Variants in DSCAML1 observed in about 807,000 individuals in gnomAD.
The protein encoded by DSCAML1 is DS cell adhesion molecule like 1, also known as cell adhesion molecule DSCAML1.
Under a neutral mutation model 200.5 loss-of-function variants are expected in DSCAML1, and 38 were observed. The observed-to-expected ratio is 0.19, with a 90% CI of 0.15 to 0.25. The LOEUF (loss-of-function observed/expected upper bound fraction) is 0.25. Among genes scored for constraint, DSCAML1 ranks in the 10% least tolerant of loss-of-function variants. The pLI is 1.00. For missense variants in DSCAML1, 2,223 were observed against 2,858.8 expected, an observed-to-expected ratio of 0.78 and a Z score of 5.07; for synonymous variants, 1,215 against 1,165.0, an observed-to-expected ratio of 1.04 and a Z score of -0.87.
chr11:117,483,243 C>T (rs192777941), intron 11 of DSCAML1, among the ~76,000 whole-genome samples: 4 of 152,332 alleles, frequency 2.6e-5, no homozygotes, highest in Admixed American at 1.3e-4. Flanking sequence ...CATGAGACCT[C>T]GTGCCAGGCT....
chr11:117,698,570 A>T (rs138852407), intron 3 of DSCAML1, among the ~76,000 whole-genome samples: 421 of 152,104 alleles, frequency 2.8e-3, no homozygotes, highest in African/African-American at 9.8e-3. Flanking sequence ...TGGGGGTTTG[A>T]TCTCTTGTTA....
Position 117,780,498 on chromosome 11 carries a change from T to C in DSCAML1, c.359A>G (p.Lys120Arg). The C allele has an allele frequency of 6.9e-7, 1 of 1,447,892 alleles. No homozygotes were observed. The highest frequency in any genetic ancestry group is 9.1e-7 in the Non-Finnish European group (1 of 1,094,904). 89.7% of individuals were successfully genotyped at this position (1,447,892 alleles called of 1,614,324 possible). ...GCCAGTGTCTTGTCCCTTACCTGCT[T>C]TGACGCGGATGTTGGGGCTCCGGAT... is the stretch of plus-strand genomic sequence containing the variant. ...GKIRSPNIRV[K>R]AVFREPYTVR... The change falls in exon 2 of 33, where the codon AAA becomes AGA. Residue 120 changes from lysine (K) to arginine (R), a missense_variant. Transcript: ENST00000651296. The surrounding 1 kb of genome is among the most constrained non-coding windows in gnomAD (Gnocchi z 4.8).
At chr11:117,706,922 G>A (rs1013407299) in intron 3 of DSCAML1, among the ~76,000 whole-genome samples, 6 of 152,228 alleles carry the variant, frequency 3.9e-5, no homozygotes, top group Middle Eastern at 3.4e-3. Flanking sequence ...GAAGGGAGGC[G>A]ACCACACACC....
chr11:117,472,214 T>G (rs889628109), intron 14 of DSCAML1, among the ~76,000 whole-genome samples, 178 bp from the exon 15 acceptor site: 2 of 152,174 alleles, frequency 1.3e-5, no homozygotes, highest in Non-Finnish European at 2.9e-5. Flanking sequence ...GTCTGTCCCA[T>G]GCAGCTCCAG....
At chr11:117,776,153 G>A (rs2055125785) in intron 3 of DSCAML1, among the ~76,000 whole-genome samples, 1 of 152,148 alleles carries the variant, frequency 6.6e-6, no homozygotes, top group South Asian at 2.1e-4. Context: ...CCCCAGAGAG[G>A]TAAAAGGAGC....
chr11:117,810,249 C>CTTCACCCTTA (rs1300332785), intron 1 of DSCAML1, among the ~76,000 whole-genome samples: 38 of 151,510 alleles, frequency 2.5e-4, no homozygotes, highest in Middle Eastern at 3.4e-3. Flanking sequence ...CCCAAAACTC[C>CTTCACCCTTA]GTGGACTCAA....
At chr11:117,549,178 C>A (rs2137386907) in intron 3 of DSCAML1, among the ~76,000 whole-genome samples, 1 of 152,296 alleles carries the variant, frequency 6.6e-6, no homozygotes, top group Non-Finnish European at 1.5e-5. Context: ...CTCCAATGGC[C>A]TCCTCCTGCA....
At chr11:117,521,053 C>T in intron 6 of DSCAML1, 77 bp downstream of exon 6, 1 of 1,558,658 alleles carries the variant, frequency 6.4e-7, no homozygotes, top group South Asian at 1.2e-5. Flanking sequence ...CCTGGCATTG[C>T]TCCCACCTCA....
rs2052430701 is a variant in DSCAML1, at chr11:117,642,447, A to T, written c.512-109925T>A. On this transcript the variant is annotated intron_variant, in intron 3 of 32. Transcript: ENST00000651296. This position sits in a 1 kb window ranked among gnomAD's most constrained non-coding sequence, Gnocchi z 4.1. ...TGGAGGCACAGTCTGGAAGACAAAT[A>T]AGGGGAACTGTCAGGCCCCACTGCC... Among the ~76,000 whole-genome samples the T allele has an allele frequency of 6.6e-6, 1 of 152,210 alleles. No individual in the cohort carries two copies. The highest frequency in any genetic ancestry group is 2.4e-5 in the African/African-American group (1 of 41,450).
chr11:117,644,211 G>A (rs187140932), intron 3 of DSCAML1, among the ~76,000 whole-genome samples: 3 of 152,294 alleles, frequency 2.0e-5, no homozygotes, highest in East Asian at 1.9e-4. Context: ...ACCAAGTCTC[G>A]AAAGGCTCCA....
rs570041460 is a variant in DSCAML1, at chr11:117,808,906, G to T, written c.-250+8484C>A. ...CTCGTTCAATCTCTTTAATGAGTTG[G>T]ATATCACAAACCCCATCTCACAGAT... On this transcript the variant is annotated intron_variant, in intron 1 of 2. Coordinates refer to the DSCAML1 transcript ENST00000525836. 4.6e-5 allele frequency among the ~76,000 whole-genome samples: 7 copies of T among 152,230 alleles called. No individual in the cohort carries two copies. In the South Asian group the frequency reaches 1.5e-3, roughly 32 times the overall value.
In DSCAML1 at chr11:117,518,896, CT is replaced by C. The variant is rs1352048876; in HGVS notation, c.1214-135del. 1.0e-6 allele frequency: 1 copy of C among 994,980 alleles called. No homozygotes were observed. The highest frequency in any genetic ancestry group is 1.4e-6 in the Non-Finnish European group (1 of 696,420). 61.6% of individuals were successfully genotyped at this position (994,980 alleles called of 1,614,324 possible). A position where few individuals can be genotyped will look rare whatever the true frequency, so the allele number is the denominator to read the frequency against. On this transcript the variant is annotated intron_variant, in intron 6 of 32. Coordinates refer to ENST00000651296, the MANE Select transcript of DSCAML1 (RefSeq NM_020693.4). This position sits in a 1 kb window ranked among gnomAD's most constrained non-coding sequence, Gnocchi z 6.3. ...ACAAGAACTTTTGTGTACATCAATT[CT>C]TCTGCTATCCGCAACCCCAAGTGGT...
At chr11:117,809,078 C>T (rs1419220308) in intron 1 of DSCAML1, among the ~76,000 whole-genome samples, 3 of 152,172 alleles carry the variant, frequency 2.0e-5, no homozygotes, top group African/African-American at 7.2e-5. Context: ...ATTTCCACTG[C>T]GAAGCTTGAG....
intron 3 of DSCAML1, among the ~76,000 whole-genome samples, chr11:117,763,929 G>A (rs2054849821): frequency 6.6e-6 from 1 of 152,092 alleles, no homozygotes; most frequent in South Asian, 2.1e-4. Flanking sequence ...ATTTCCTACA[G>A]GGCATCTTCT....
chr11:117,442,038 G>GTGTA (rs1555168544), intron 21 of DSCAML1, among the ~76,000 whole-genome samples: 24,491 of 80,334 alleles, frequency 0.3, 2,520 homozygotes, highest in African/African-American at 0.52. Flanking sequence ...GTGTATGTGT[G>GTGTA]TGTGTGTGTT....
intron 3 of DSCAML1, among the ~76,000 whole-genome samples, chr11:117,721,659 T>G (rs2054042805): frequency 6.8e-6 from 1 of 147,960 alleles, no homozygotes; most frequent in Non-Finnish European, 1.5e-5. Context: ...TATTTAAATA[T>G]ATGTAATATA....
intron 3 of DSCAML1, among the ~76,000 whole-genome samples, chr11:117,774,732 C>T (rs554034692): frequency 6.6e-5 from 10 of 152,154 alleles, no homozygotes; most frequent in Non-Finnish European, 1.5e-4. Flanking sequence ...TACATTTATA[C>T]GGTGGGTGAG....
intron 3 of DSCAML1, among the ~76,000 whole-genome samples, chr11:117,574,241 A>C (rs1007459126): frequency 2.0e-5 from 3 of 152,226 alleles, no homozygotes; most frequent in Non-Finnish European, 4.4e-5. Context: ...AGGCAGGGGA[A>C]GGAGCAGCAG....
At chr11:117,811,017 C>T (rs557413047) in intron 1 of DSCAML1, among the ~76,000 whole-genome samples, 6 of 152,328 alleles carry the variant, frequency 3.9e-5, no homozygotes, top group Non-Finnish European at 7.3e-5. Context: ...GCTCCTCCAC[C>T]CTGTAATCTT....
Sources: gnomAD v4.1 joint callset for allele counts (sites outside exome capture counted in the v4.1 genomes callset) on GRCh38, gnomAD v4.1.1 for gene constraint, Gnocchi (gnomAD v3.1) non-coding constraint, MANE v1.5 for transcripts, NCBI Gene and HGNC (gene_info 2026-07-23, HGNC 2026-07-21) for gene names.